The following GPC5 variants were observed in gnomAD, a reference collection of about 807,000 sequenced individuals.
GPC5 encodes the protein glypican-5.
GPC5 carries 47 observed loss-of-function variants against 53.9 expected under a neutral mutation model. The ratio of observed to expected loss-of-function variants is 0.87; its 90% CI spans 0.69 to 1.11. The LOEUF (loss-of-function observed/expected upper bound fraction) is 1.11. Ranked by LOEUF, GPC5 falls within the 50% of genes most tolerant of loss-of-function variation. The pLI, the probability that GPC5 is intolerant of heterozygous loss-of-function variation, is 0.00. For missense variants in GPC5, 748 were observed against 713.1 expected, an observed-to-expected ratio of 1.05 and a Z score of -0.56; for synonymous variants, 286 against 263.3, an observed-to-expected ratio of 1.09 and a Z score of -0.84.
At chr13:92,865,581 C>T (rs139156179) in intron 7 of GPC5, among the ~76,000 whole-genome samples, 98 of 151,994 alleles carry the variant, frequency 6.4e-4, no homozygotes, top group African/African-American at 1.8e-3. Context: ...TAGACCATTG[C>T]GCAGCATGGT....
At chr13:91,618,858 G>T (rs184020124) in intron 2 of GPC5, among the ~76,000 whole-genome samples, 43 of 151,940 alleles carry the variant, frequency 2.8e-4, no homozygotes, top group Non-Finnish European at 1.3e-4. Flanking sequence ...TGTATTAAAT[G>T]AAATAATCTT....
intron 5 of GPC5, among the ~76,000 whole-genome samples, chr13:91,869,566 T>A (rs1200847300): frequency 1.3e-5 from 2 of 152,198 alleles, no homozygotes; most frequent in African/African-American, 4.8e-5. Flanking sequence ...TTCTCCTACA[T>A]TATTGCTGAG....
At chr13:91,875,295 G>A (rs1319315214) in intron 5 of GPC5, among the ~76,000 whole-genome samples, 1 of 152,096 alleles carries the variant, frequency 6.6e-6, no homozygotes, top group South Asian at 2.1e-4. Flanking sequence ...CATCTTCCCC[G>A]TGTAGTAACT....
intron 7 of GPC5, among the ~76,000 whole-genome samples, chr13:92,292,498 T>C (rs532440920): frequency 2.0e-5 from 3 of 152,340 alleles, no homozygotes; most frequent in Non-Finnish European, 2.9e-5. Flanking sequence ...TGTCTATTCA[T>C]GTCCTTAGCC....
chr13:92,001,294 CA>C (rs1468191648), intron 6 of GPC5, among the ~76,000 whole-genome samples: 9 of 152,076 alleles, frequency 5.9e-5, no homozygotes, highest in African/African-American at 1.9e-4. Context: ...CTATGATTGG[CA>C]AAGGGATTTT....
In GPC5 at chr13:92,119,100, G is replaced by A. The variant is rs183345495; in HGVS notation, c.1402-25730G>A. Reference sequence around the variant, plus strand: ...ACTCATAGTTCCACTTGGCTGGGGAGGCCTCACAATCATGGCAGAAGGCAA... The same window carrying A: ...ACTCATAGTTCCACTTGGCTGGGGAAGCCTCACAATCATGGCAGAAGGCAA... On this transcript the variant is annotated intron_variant, in intron 6 of 7. Coordinates refer to ENST00000377067, the MANE Select transcript of GPC5 (RefSeq NM_004466.6). Among the ~76,000 whole-genome samples the A allele has an allele frequency of 1.7e-3, 262 of 152,250 alleles. 1 individual carries two copies. The highest frequency in any genetic ancestry group is 6.1e-3 in the African/African-American group (253 of 41,546).
intron 7 of GPC5, among the ~76,000 whole-genome samples, chr13:92,221,859 C>T (rs2042451604): frequency 6.9e-6 from 1 of 145,218 alleles, no homozygotes; most frequent in Non-Finnish European, 1.5e-5. Flanking sequence ...TCTCTTTAAA[C>T]TCCCTAGAGA....
At chr13:91,712,380 GTATA>G (rs914202967) in intron 3 of GPC5, among the ~76,000 whole-genome samples, 2 of 151,260 alleles carry the variant, frequency 1.3e-5, no homozygotes, top group Non-Finnish European at 2.9e-5. Flanking sequence ...ATATATGTGT[GTATA>G]TATATGTGTG....
chr13:92,738,167 G>C (rs1429440178), intron 7 of GPC5, among the ~76,000 whole-genome samples: 1 of 151,930 alleles, frequency 6.6e-6, no homozygotes, highest in East Asian at 1.9e-4. Context: ...ACCATACTGA[G>C]ATATGTTTTT....
intron 7 of GPC5, among the ~76,000 whole-genome samples, chr13:92,607,035 A>T (rs1045450003): frequency 2.0e-5 from 3 of 152,176 alleles, no homozygotes; most frequent in African/African-American, 7.2e-5. Flanking sequence ...AATAATTATA[A>T]TCATTAACAA....
intron 7 of GPC5, among the ~76,000 whole-genome samples, chr13:92,248,584 G>A (rs1243654378): frequency 6.6e-6 from 1 of 152,136 alleles, no homozygotes; most frequent in Non-Finnish European, 1.5e-5. Flanking sequence ...AAAGGCTTTA[G>A]TAGAAACTCT....
intron 3 of GPC5, among the ~76,000 whole-genome samples, chr13:91,708,707 TA>T (rs141857613): frequency 0.018 from 2,710 of 152,224 alleles, 78 homozygotes; most frequent in African/African-American, 0.059. Context: ...AAAGCTGTTA[TA>T]AAAAAATTAC....
chr13:92,808,196 G>A (rs750126989), intron 7 of GPC5, among the ~76,000 whole-genome samples: 2 of 151,880 alleles, frequency 1.3e-5, no homozygotes, highest in Admixed American at 6.6e-5. Context: ...ATAAACATCC[G>A]AATTTTTTGT....
chr13:92,061,711 G>A (rs2041125570), intron 6 of GPC5, among the ~76,000 whole-genome samples: 1 of 151,910 alleles, frequency 6.6e-6, no homozygotes, highest in South Asian at 2.1e-4. Flanking sequence ...CTTGGGGAAT[G>A]GAAGACATTG....
intron 2 of GPC5, among the ~76,000 whole-genome samples, chr13:91,552,867 C>T (rs1365051398): frequency 6.6e-6 from 1 of 152,030 alleles, no homozygotes; most frequent in Non-Finnish European, 1.5e-5. Context: ...GGGGCCTGCT[C>T]CCAACAGGAA....
chr13:92,721,101 A>G (rs1034276380), intron 7 of GPC5, among the ~76,000 whole-genome samples: 10 of 152,096 alleles, frequency 6.6e-5, no homozygotes, highest in African/African-American at 2.4e-4. Context: ...GAACAATTCC[A>G]TCCATTATAC....
intron 2 of GPC5, among the ~76,000 whole-genome samples, chr13:91,521,341 T>C (rs931969177): frequency 2.0e-5 from 3 of 152,198 alleles, no homozygotes; most frequent in African/African-American, 7.2e-5. Flanking sequence ...GTTGTAGGGA[T>C]TGAAGCTGAA....
Position 92,487,524 on chromosome 13 carries a change from C to T in GPC5, c.1561+342535C>T, listed in dbSNP as rs80063849. Among the ~76,000 whole-genome samples the T allele has an allele frequency of 5.3e-3, 799 of 152,190 alleles. 5 individuals are homozygous for T. Among genetic ancestry groups the T allele is most frequent in the Non-Finnish European group, 8.8e-3 (598 of 68,016 alleles). The stretch of plus-strand genomic sequence containing the variant: ...AGATGGTATGATTATCAGATTGACT[C>T]CTTCTCCTACAAAGAAGCCTCAATA... On this transcript the variant is annotated intron_variant, in intron 7 of 7. Transcript: ENST00000377067.
At chr13:92,456,233 A>T (rs553678048) in intron 7 of GPC5, among the ~76,000 whole-genome samples, 54 of 152,264 alleles carry the variant, frequency 3.5e-4, no homozygotes, top group Middle Eastern at 3.4e-3. Context: ...AACACTAAGG[A>T]ACATTGCCTA....
Sources: gnomAD v4.1 joint callset for allele counts (sites outside exome capture counted in the v4.1 genomes callset) on GRCh38, gnomAD v4.1.1 for gene constraint, MANE v1.5 for transcripts, NCBI Gene and HGNC (gene_info 2026-07-23, HGNC 2026-07-21) for gene names.